KCNJ6: variants seen among roughly 807,000 people sequenced by gnomAD.
KCNJ6 encodes the protein potassium inwardly rectifying channel subfamily J member 6.
Under a neutral mutation model 34.2 loss-of-function variants are expected in KCNJ6, and 9 were observed. The ratio of observed to expected loss-of-function variants is 0.26; its 90% confidence interval spans 0.16 to 0.46. The LOEUF (loss-of-function observed/expected upper bound fraction) is 0.46, where lower values mean the gene tolerates loss of function less well. KCNJ6 is among the 20% of genes least tolerant of loss of function. The pLI is 1.00. For synonymous variants in KCNJ6, 196 were observed against 207.1 expected (o/e 0.95, Z 0.46); for missense variants, 236 against 531.3 (o/e 0.44, Z 5.46).
chr21:37,848,668 T>C (rs2055522295), intron 1 of KCNJ6, among the ~76,000 whole-genome samples: 1 of 152,226 alleles, frequency 6.6e-6, no homozygotes, highest in Non-Finnish European at 1.5e-5. Context: ...GTACTAACAT[T>C]GCCTCAATTC....
chr21:37,860,757 A>G (rs1179639472), intron 1 of KCNJ6, among the ~76,000 whole-genome samples: 1 of 152,076 alleles, frequency 6.6e-6, no homozygotes, highest in Non-Finnish European at 1.5e-5. Context: ...TCATGGTTAC[A>G]ATGTCACCTC....
chr21:37,852,939 A>G (rs1279061928), intron 1 of KCNJ6, among the ~76,000 whole-genome samples: 1 of 152,164 alleles, frequency 6.6e-6, no homozygotes, highest in Non-Finnish European at 1.5e-5. Context: ...GCAAAGAAAC[A>G]GTGAACTTGT....
chr21:37,793,391 T>G lies in KCNJ6; in HGVS notation c.25+47267A>C, dbSNP rs561754346. Among the ~76,000 whole-genome samples, 5 of 152,116 alleles carry G rather than the reference T, an allele frequency of 3.3e-5. No individual in the cohort carries two copies. In the South Asian group the frequency reaches 6.2e-4, roughly 19 times the overall value. The stretch of plus-strand genomic sequence containing the variant: ...CCCTTCAGCCTTCGGCTGAGATGCC[T>G]TTGGTGGCACAGGCAGACACAACGG... On this transcript the variant is annotated intron_variant, in intron 2 of 3. Transcript: ENST00000609713.
intron 2 of KCNJ6, among the ~76,000 whole-genome samples, chr21:37,767,562 G>A (rs1030111210): frequency 6.6e-6 from 1 of 152,100 alleles, no homozygotes; most frequent in Non-Finnish European, 1.5e-5. Flanking sequence ...AGAGTGACAG[G>A]GAGAGGCAGG....
intron 1 of KCNJ6, among the ~76,000 whole-genome samples, chr21:37,868,072 A>G (rs2123609629): frequency 6.6e-6 from 1 of 152,316 alleles, no homozygotes; most frequent in East Asian, 1.9e-4. Context: ...GGGAGAATGA[A>G]GTTGAAGGCC....
At chr21:37,650,788 G>A (rs971520309) in intron 3 of KCNJ6, among the ~76,000 whole-genome samples, 34 of 152,188 alleles carry the variant, frequency 2.2e-4, no homozygotes, top group Admixed American at 2.0e-3. Flanking sequence ...AGTCTCTGGC[G>A]TTTAGTAAAT....
intron 2 of KCNJ6, among the ~76,000 whole-genome samples, chr21:37,736,686 C>T (rs535911849): frequency 6.6e-6 from 1 of 152,246 alleles, no homozygotes; most frequent in Admixed American, 6.5e-5. Context: ...GAGGGAGGCA[C>T]AATGCAGGGG....
intron 2 of KCNJ6, among the ~76,000 whole-genome samples, chr21:37,817,700 G>A (rs8133815): frequency 0.32 from 49,179 of 151,890 alleles, 9,085 homozygotes; most frequent in South Asian, 0.41. Context: ...AAATAACCGC[G>A]TGGCATTGCT....
At chr21:37,761,151 G>T (rs1272386951) in intron 2 of KCNJ6, among the ~76,000 whole-genome samples, 1 of 151,286 alleles carries the variant, frequency 6.6e-6, no homozygotes, top group African/African-American at 2.4e-5. Flanking sequence ...GGTATGTGTG[G>T]TGTGTGTGCT....
At chr21:37,805,026 A>T (rs1215890521) in intron 2 of KCNJ6, among the ~76,000 whole-genome samples, 1 of 152,308 alleles carries the variant, frequency 6.6e-6, no homozygotes, top group African/African-American at 2.4e-5. Flanking sequence ...ACAACAGACC[A>T]TCTATTGTGC....
intron 2 of KCNJ6, among the ~76,000 whole-genome samples, chr21:37,796,781 T>TG (rs199671428): frequency 9.0e-5 from 7 of 78,204 alleles, no homozygotes; most frequent in Non-Finnish European, 1.7e-4. Flanking sequence ...CTTTCTTTCT[T>TG]TTTTTTTTTT....
At chr21:37,687,228 G>A (rs963054651) in intron 3 of KCNJ6, among the ~76,000 whole-genome samples, 5 of 152,060 alleles carry the variant, frequency 3.3e-5, no homozygotes, top group Admixed American at 6.6e-5. Flanking sequence ...TAAGGGTAGC[G>A]TCCCAGCCGG....
At chr21:37,770,575 C>G (rs1281367118) in intron 2 of KCNJ6, among the ~76,000 whole-genome samples, 3 of 152,160 alleles carry the variant, frequency 2.0e-5, no homozygotes, top group Non-Finnish European at 4.4e-5. Context: ...TGCTGAATGT[C>G]ACAATGGAAA....
At chr21:37,792,801 A>G (rs2055222978) in intron 2 of KCNJ6, among the ~76,000 whole-genome samples, 1 of 152,202 alleles carries the variant, frequency 6.6e-6, no homozygotes, top group Non-Finnish European at 1.5e-5. Context: ...CAGAAGGCAC[A>G]CAAAAGCACA....
intron 3 of KCNJ6, among the ~76,000 whole-genome samples, chr21:37,646,674 T>G (rs1031101626): frequency 7.5e-5 from 6 of 79,968 alleles, no homozygotes; most frequent in African/African-American, 4.6e-4. Flanking sequence ...TTTAAATTAT[T>G]TTTATTTTTT....
At chr21:37,800,296 A>G (rs1253127342) in intron 2 of KCNJ6, among the ~76,000 whole-genome samples, 1 of 152,166 alleles carries the variant, frequency 6.6e-6, no homozygotes, top group Non-Finnish European at 1.5e-5. Context: ...GGATGACCTC[A>G]GGGTGTTGGA....
At chr21:37,839,917 C>T (rs1169517528) in intron 2 of KCNJ6, among the ~76,000 whole-genome samples, 1 of 152,130 alleles carries the variant, frequency 6.6e-6, no homozygotes, top group Non-Finnish European at 1.5e-5. Context: ...CCTCAGCTTC[C>T]GAATAGCCAT....
chr21:37,697,684 A>C (rs1001534415), intron 3 of KCNJ6, among the ~76,000 whole-genome samples: 1 of 152,232 alleles, frequency 6.6e-6, no homozygotes, highest in Admixed American at 6.5e-5. Context: ...CATGTTGGCA[A>C]TAGTTGATCT....
chr21:37,858,946 C>G (rs1304865764), intron 1 of KCNJ6, among the ~76,000 whole-genome samples: 4 of 152,092 alleles, frequency 2.6e-5, no homozygotes, highest in Non-Finnish European at 5.9e-5. Flanking sequence ...TTTAAACATA[C>G]TTTATGGTAG....
Sources: gnomAD v4.1 joint callset for allele counts (sites outside exome capture counted in the v4.1 genomes callset) on GRCh38, gnomAD v4.1.1 for gene constraint, MANE v1.5 for transcripts, NCBI Gene and HGNC (gene_info 2026-07-23, HGNC 2026-07-21) for gene names.